NRG1: variants seen among roughly 807,000 people sequenced by gnomAD.
NRG1 encodes the protein neuregulin 1.
In NRG1, 18 loss-of-function variants were observed where a neutral mutation model predicts 63.8. That is an observed-to-expected ratio of 0.28 (90% confidence interval 0.19 to 0.42). The LOEUF (loss-of-function observed/expected upper bound fraction) is 0.42, where lower values mean the gene tolerates loss of function less well. Ranked by LOEUF, NRG1 falls within the 10% of genes least tolerant of loss-of-function variation. The pLI is 1.00. For missense variants in NRG1, 762 were observed against 814.7 expected, an observed-to-expected ratio of 0.94 and a Z score of 0.79; for synonymous variants, 302 against 301.3, an observed-to-expected ratio of 1.00 and a Z score of -0.02.
chr8:31,658,183 A>T (rs1288563860), intron 1 of NRG1, among the ~76,000 whole-genome samples: 1 of 152,198 alleles, frequency 6.6e-6, no homozygotes. Context: ...CTGAGCGAGG[A>T]AACAGCACTC....
intron 1 of NRG1, among the ~76,000 whole-genome samples, chr8:31,774,881 A>C (rs1818967464): frequency 6.6e-6 from 1 of 152,206 alleles, no homozygotes; most frequent in Non-Finnish European, 1.5e-5. Context: ...ACAATGCAAT[A>C]CCATTTTATA....
At chr8:32,312,354 T>A (rs1352204022) in intron 1 of NRG1, among the ~76,000 whole-genome samples, 1 of 135,358 alleles carries the variant, frequency 7.4e-6, no homozygotes, top group Non-Finnish European at 1.6e-5. Flanking sequence ...TTTTTTTTTT[T>A]AGTAGAGACG....
At chr8:32,279,895 C>T (rs370219781) in intron 1 of NRG1, among the ~76,000 whole-genome samples, 2 of 152,316 alleles carry the variant, frequency 1.3e-5, no homozygotes, top group African/African-American at 2.4e-5. Context: ...CAAGTCTCCA[C>T]TCAGGCACGT....
chr8:32,716,804 G>A (rs889837297), intron 5 of NRG1, among the ~76,000 whole-genome samples: 1 of 116,082 alleles, frequency 8.6e-6, no homozygotes, highest in African/African-American at 3.3e-5. Flanking sequence ...GTGTGTGCAT[G>A]TGTGTGTGTG....
chr8:32,742,960 C>T lies in NRG1; in HGVS notation c.691+227C>T. 7.3e-7 allele frequency: 1 copy of T among 1,367,308 alleles called. No homozygotes were observed. Among genetic ancestry groups the T allele is most frequent in the Non-Finnish European group, 9.5e-7 (1 of 1,056,506 alleles). 84.7% of individuals were successfully genotyped at this position (1,367,308 alleles called of 1,614,324 possible). ...GAGATACTAATAGGTGTGTGAGGCT[C>T]CGGATGTTTCTGGAATTGATATTGA... On this transcript the variant is annotated intron_variant, in intron 7 of 11. Transcript: ENST00000356819. This position sits in a 1 kb window ranked among gnomAD's most constrained non-coding sequence, Gnocchi z 4.2.
intron 1 of NRG1, among the ~76,000 whole-genome samples, chr8:31,848,385 G>T (rs1344213587): frequency 6.6e-6 from 1 of 152,108 alleles, no homozygotes; most frequent in Non-Finnish European, 1.5e-5. Context: ...ATTCCCTAAG[G>T]ATCCATGGAA....
chr8:32,267,620 A>G (rs745913896), intron 1 of NRG1, among the ~76,000 whole-genome samples: 2 of 152,348 alleles, frequency 1.3e-5, no homozygotes, highest in South Asian at 4.1e-4. Flanking sequence ...TGAGCAGTCA[A>G]TAATTCCCTG....
chr8:32,433,261 A>G (rs1021162851), intron 1 of NRG1, among the ~76,000 whole-genome samples: 1 of 152,158 alleles, frequency 6.6e-6, no homozygotes, highest in Non-Finnish European at 1.5e-5. Flanking sequence ...AGAGAAATGC[A>G]AGGCTCTAAA....
At chr8:32,728,892 C>T (rs1564052170) in intron 6 of NRG1, among the ~76,000 whole-genome samples, 1 of 151,972 alleles carries the variant, frequency 6.6e-6, no homozygotes, top group South Asian at 2.1e-4. Flanking sequence ...CGTGAAACCC[C>T]GTCTCTACTA....
intron 1 of NRG1, among the ~76,000 whole-genome samples, chr8:31,984,217 C>A (rs1809649287): frequency 1.3e-5 from 2 of 152,056 alleles, no homozygotes; most frequent in South Asian, 4.1e-4. Context: ...CTGAAAGATA[C>A]AAGTTCTTCT....
chr8:32,684,249 A>G (rs184880958), intron 5 of NRG1, among the ~76,000 whole-genome samples: 180 of 152,312 alleles, frequency 1.2e-3, no homozygotes, highest in African/African-American at 4.2e-3. Context: ...ATTTTAAAAA[A>G]TTTTGTCAGG....
chr8:31,813,245 A>T (rs1240766524), intron 1 of NRG1, among the ~76,000 whole-genome samples: 1 of 152,162 alleles, frequency 6.6e-6, no homozygotes, highest in Non-Finnish European at 1.5e-5. Flanking sequence ...AGTATGGAAC[A>T]CTTTTTACTT....
intron 1 of NRG1, among the ~76,000 whole-genome samples, chr8:31,911,591 G>C (rs1832948449): frequency 6.6e-6 from 1 of 152,178 alleles, no homozygotes; most frequent in African/African-American, 2.4e-5. Flanking sequence ...CCAGATGGAG[G>C]AGGGAGAGAA....
chr8:32,207,993 G>C (rs945148293), intron 1 of NRG1, among the ~76,000 whole-genome samples: 1 of 152,110 alleles, frequency 6.6e-6, no homozygotes, highest in African/African-American at 2.4e-5. Context: ...GACCTAATGG[G>C]AAGACAAACA....
intron 1 of NRG1, among the ~76,000 whole-genome samples, chr8:32,218,668 T>C (rs1376944820): frequency 6.6e-6 from 1 of 152,242 alleles, no homozygotes; most frequent in Non-Finnish European, 1.5e-5. Flanking sequence ...ATCTGTAAGA[T>C]GCAGGTGCTA....
intron 1 of NRG1, among the ~76,000 whole-genome samples, chr8:32,576,138 A>G (rs1307564871): frequency 6.6e-6 from 1 of 152,174 alleles, no homozygotes; most frequent in African/African-American, 2.4e-5. Context: ...TGGTGAGGAC[A>G]TTTAAAATCT....
At chr8:32,580,848 A>G (rs1588462458) in intron 1 of NRG1, among the ~76,000 whole-genome samples, 1 of 102,858 alleles carries the variant, frequency 9.7e-6, no homozygotes, top group Admixed American at 9.2e-5. Flanking sequence ...TAAATGACAT[A>G]GTACCCATTG....
intron 1 of NRG1, among the ~76,000 whole-genome samples, chr8:31,747,140 T>C (rs1815960713): frequency 6.6e-6 from 1 of 152,082 alleles, no homozygotes; most frequent in East Asian, 1.9e-4. Context: ...AATAATTTAA[T>C]TGTACATTTT....
At chr8:32,334,748 T>C (rs1018049399) in intron 1 of NRG1, among the ~76,000 whole-genome samples, 1 of 152,196 alleles carries the variant, frequency 6.6e-6, no homozygotes, top group Non-Finnish European at 1.5e-5. Context: ...ATTGTTGAAA[T>C]TGGTTATTAA....
Sources: allele counts gnomAD v4.1 joint callset (sites outside exome capture counted in the v4.1 genomes callset), GRCh38; gene constraint gnomAD v4.1.1; non-coding constraint Gnocchi (gnomAD v3.1); transcripts MANE v1.5; gene names NCBI Gene and HGNC (gene_info 2026-07-23, HGNC 2026-07-21).